Variants in TCF7L1 observed in about 807,000 individuals in gnomAD.
TCF7L1 encodes transcription factor 7 like 1.
TCF7L1 carries 18 observed loss-of-function variants against 63.7 expected under a neutral mutation model. That is an observed-to-expected ratio of 0.28 (90% CI 0.20 to 0.42). The LOEUF (loss-of-function observed/expected upper bound fraction) is 0.42, where lower values mean the gene tolerates loss of function less well. Ranked by LOEUF, TCF7L1 falls within the 10% of genes least tolerant of loss-of-function variation. The probability of loss-of-function intolerance (pLI) is 1.00; values close to 1 mark genes in which losing one functional copy is unlikely to be tolerated. For missense variants in TCF7L1, 654 were observed against 779.3 expected (o/e 0.84, Z 1.91); for synonymous variants, 355 against 340.9 (o/e 1.04, Z -0.46).
At position 85,189,737 on chromosome 2, in the gene TCF7L1, A is replaced by C. The variant is rs888855308; in HGVS notation, c.441+55287A>C. Reference sequence around the variant, plus strand: ...GTGCAGCTTTCAGCTCCTGTCCATCAGGCTGAAAGGGCCCATTCAGGGGCA... The same window carrying C: ...GTGCAGCTTTCAGCTCCTGTCCATCCGGCTGAAAGGGCCCATTCAGGGGCA... On this transcript the variant is annotated intron_variant, in intron 3 of 11. Transcript: ENST00000282111. 3.3e-5 allele frequency among the ~76,000 whole-genome samples: 5 copies of C among 152,190 alleles called. No individual in the cohort carries two copies. The South Asian group carries it at 1.0e-3, about 31-fold the overall frequency.
At chr2:85,225,887 C>T (rs993212006) in intron 3 of TCF7L1, among the ~76,000 whole-genome samples, 5 of 152,190 alleles carry the variant, frequency 3.3e-5, no homozygotes, top group African/African-American at 1.2e-4. Flanking sequence ...AGTTTTTGCT[C>T]ATTCAGTATG....
At chr2:85,228,367 G>A (rs1330167259) in intron 3 of TCF7L1, among the ~76,000 whole-genome samples, 2 of 152,158 alleles carry the variant, frequency 1.3e-5, no homozygotes, top group African/African-American at 2.4e-5. Context: ...GCTGCAGTGA[G>A]CCGTGATTGC....
intron 3 of TCF7L1, among the ~76,000 whole-genome samples, chr2:85,215,962 T>C (rs1222391989): frequency 6.6e-6 from 1 of 152,142 alleles, no homozygotes; most frequent in Non-Finnish European, 1.5e-5. Flanking sequence ...GCCAGGTTTT[T>C]GTGGTCAAAT....
chr2:85,305,256 A>G lies in TCF7L1; in HGVS notation c.846-4A>G. 2 of 1,614,084 alleles carry G rather than the reference A, an allele frequency of 1.2e-6. No individual in the cohort carries two copies. Among genetic ancestry groups the G allele is most frequent in the Non-Finnish European group, 1.7e-6 (2 of 1,180,022 alleles). On this transcript the variant is annotated splice_polypyrimidine_tract_variant and splice_region_variant and intron_variant, in intron 7 of 11. Coordinates refer to ENST00000282111, the MANE Select transcript of TCF7L1 (RefSeq NM_031283.3). ...GTTGCCATTTGTTTCTATCCGGTGC[A>G]CAGCCTGGTCTCCAGTCGGTTCTCT...
chr2:85,249,566 G>A (rs1482475076), intron 3 of TCF7L1, among the ~76,000 whole-genome samples: 1 of 152,152 alleles, frequency 6.6e-6, no homozygotes, highest in African/African-American at 2.4e-5. Context: ...TCTTCTCAAG[G>A]TGACCCCAGT....
rs368025263 is a variant in TCF7L1, at chr2:85,222,121, C to G, written c.442-61374C>G. Among the ~76,000 whole-genome samples, 12 of 152,210 alleles carry G rather than the reference C, an allele frequency of 7.9e-5. No individual in the cohort carries two copies. In the East Asian group the frequency reaches 1.2e-3, roughly 15 times the overall value. ...CTTCTGGAGGCCGAGGAGGGTGGAT[C>G]ACCTGAGGTCAGGAGTTCGAGACCA... On this transcript the variant is annotated intron_variant, in intron 3 of 11. Coordinates refer to ENST00000282111, the MANE Select transcript of TCF7L1 (RefSeq NM_031283.3).
At chr2:85,194,622 CTTGAGTCTAGAA>C (rs1055088295) in intron 3 of TCF7L1, among the ~76,000 whole-genome samples, 16 of 152,280 alleles carry the variant, frequency 1.1e-4, no homozygotes, top group African/African-American at 3.9e-4. Context: ...GCCAGCCAAA[CTTGAGTCTAGAA>C]TTGTGTGCCC....
At chr2:85,232,283 G>A (rs571235418) in intron 3 of TCF7L1, among the ~76,000 whole-genome samples, 2 of 152,226 alleles carry the variant, frequency 1.3e-5, no homozygotes, top group Non-Finnish European at 2.9e-5. Context: ...GGAATGCTTC[G>A]TGATGCTCAG....
At chr2:85,275,203 T>C (rs757458357) in intron 3 of TCF7L1, among the ~76,000 whole-genome samples, 6 of 152,204 alleles carry the variant, frequency 3.9e-5, no homozygotes, top group Admixed American at 1.3e-4. Flanking sequence ...GCTGATGAAG[T>C]AAAATATTCC....
At chr2:85,307,745 C>A in intron 11 of TCF7L1, 28 bp downstream of exon 11, 2 of 1,603,462 alleles carry the variant, frequency 1.2e-6, no homozygotes, top group South Asian at 2.2e-5. Context: ...GGCCTCTTCT[C>A]CTGCTTTTCC....
At chr2:85,285,628 A>C (rs1266680190) in intron 4 of TCF7L1, among the ~76,000 whole-genome samples, 1 of 152,232 alleles carries the variant, frequency 6.6e-6, no homozygotes. Flanking sequence ...GGGATAGCCA[A>C]GCACGAGGCG....
intron 3 of TCF7L1, among the ~76,000 whole-genome samples, chr2:85,241,437 GTTTTTTTTTTTTTTTTTT>G (rs772334481): frequency 1.2e-5 from 1 of 83,028 alleles, no homozygotes; most frequent in Non-Finnish European, 2.6e-5. Context: ...CTTTGTTTTT[GTTTTTTTTTTTTTTTTTT>G]TTTTTTTTTT....
intron 3 of TCF7L1, among the ~76,000 whole-genome samples, chr2:85,184,953 C>G (rs770637213): frequency 6.6e-6 from 1 of 152,182 alleles, no homozygotes; most frequent in Non-Finnish European, 1.5e-5. Flanking sequence ...CTGAAACAAG[C>G]TCAGAGAGTC....
chr2:85,300,476 G>T (rs1558660846), intron 4 of TCF7L1, among the ~76,000 whole-genome samples: 1 of 152,224 alleles, frequency 6.6e-6, no homozygotes, highest in Non-Finnish European at 1.5e-5. Context: ...GCAACATCCA[G>T]TGAGCCCACC....
rs903625585 is a variant in TCF7L1, at chr2:85,162,736, G to C, written c.441+28286G>C. 2.6e-5 allele frequency among the ~76,000 whole-genome samples: 4 copies of C among 152,154 alleles called. No homozygotes were observed. In the East Asian group the frequency reaches 7.7e-4, roughly 29 times the overall value. On this transcript the variant is annotated intron_variant, in intron 3 of 11. Transcript: ENST00000282111. The stretch of plus-strand genomic sequence containing the variant: ...GTGGTACGCCCCGTTTTGTGTAGCA[G>C]CTGTCAGTTTGTTTCTGGAATGAGA...
intron 3 of TCF7L1, among the ~76,000 whole-genome samples, chr2:85,241,283 C>G (rs1189634971): frequency 2.6e-5 from 4 of 152,114 alleles, no homozygotes; most frequent in African/African-American, 9.7e-5. Context: ...TCATTTGACT[C>G]TTGAAATGCC....
rs372930964 is a variant in TCF7L1, at chr2:85,159,185, CCTGGTGTTCCTGCAGTGT to C, written c.441+24739_441+24756del. 3.0e-4 allele frequency among the ~76,000 whole-genome samples: 45 copies of C among 152,254 alleles called. No individual in the cohort carries two copies. The East Asian group carries it at 8.7e-3, about 29-fold the overall frequency. ...TTGGCGTTTGAGACAGGAAACACTT[CCTGGTGTTCCTGCAGTGT>C]CTGCGGCTTCTTCCCAGCCTTTTAG... On this transcript the variant is annotated intron_variant, in intron 3 of 11. Transcript: ENST00000282111.
intron 4 of TCF7L1, among the ~76,000 whole-genome samples, chr2:85,298,082 C>T (rs1437504710): frequency 1.4e-5 from 2 of 145,654 alleles, no homozygotes; most frequent in Admixed American, 7.1e-5. Context: ...CTCAGCCTCC[C>T]GAGTAGCTGG....
intron 3 of TCF7L1, among the ~76,000 whole-genome samples, chr2:85,166,304 T>G (rs1678417861): frequency 6.6e-6 from 1 of 152,190 alleles, no homozygotes; most frequent in South Asian, 2.1e-4. Context: ...GGCCTCTTGC[T>G]TCACAGGCAC....
Sources: gnomAD v4.1 joint callset for allele counts (sites outside exome capture counted in the v4.1 genomes callset) on GRCh38, gnomAD v4.1.1 for gene constraint, MANE v1.5 for transcripts, NCBI Gene and HGNC (gene_info 2026-07-23, HGNC 2026-07-21) for gene names.